TRPC6: variants seen among roughly 807,000 people sequenced by gnomAD.
TRPC6 encodes short transient receptor potential channel 6.
A neutral mutation model predicts 90.7 loss-of-function variants in TRPC6; 55 were observed. The observed-to-expected ratio is 0.61, with a 90% CI of 0.49 to 0.76. The LOEUF is 0.76. Among genes scored for constraint, TRPC6 ranks in the 30% least tolerant of loss-of-function variants. The probability of loss-of-function intolerance (pLI) is 0.00; values close to 1 mark genes in which losing one functional copy is unlikely to be tolerated. For synonymous variants in TRPC6, 393 were observed against 393.0 expected, an observed-to-expected ratio of 1.00 and a Z score of 0.00; for missense variants, 989 against 1,122.7, an observed-to-expected ratio of 0.88 and a Z score of 1.70.
intron 1 of TRPC6, among the ~76,000 whole-genome samples, chr11:101,535,939 C>T (rs962664686): frequency 6.6e-6 from 1 of 152,160 alleles, no homozygotes; most frequent in Admixed American, 6.5e-5. Flanking sequence ...TGCTCCAATT[C>T]TGTCTATTTA....
At chr11:101,546,870 T>C (rs779439032) in intron 1 of TRPC6, among the ~76,000 whole-genome samples, 67 of 152,178 alleles carry the variant, frequency 4.4e-4, no homozygotes, top group Non-Finnish European at 7.6e-4. Context: ...CAAGGGATAC[T>C]GTACAGTAAT....
intron 1 of TRPC6, among the ~76,000 whole-genome samples, chr11:101,537,994 T>G (rs980285556): frequency 6.6e-6 from 1 of 152,204 alleles, no homozygotes; most frequent in African/African-American, 2.4e-5. Context: ...AGTATATTTT[T>G]CTGTCCTCTT....
chr11:101,576,761 GA>G (rs1267382985), intron 1 of TRPC6, among the ~76,000 whole-genome samples: 1 of 152,118 alleles, frequency 6.6e-6, no homozygotes, highest in African/African-American at 2.4e-5. Flanking sequence ...ATTGCCTTAT[GA>G]AGTTACTTCT....
intron 1 of TRPC6, among the ~76,000 whole-genome samples, chr11:101,572,400 C>T (rs1325186495): frequency 1.3e-5 from 2 of 152,186 alleles, no homozygotes; most frequent in African/African-American, 2.4e-5. Flanking sequence ...AACACTTTTA[C>T]ACTGTTGGTG....
intron 1 of TRPC6, among the ~76,000 whole-genome samples, chr11:101,578,178 C>T (rs73580377): frequency 0.028 from 4,323 of 152,050 alleles, 114 homozygotes; most frequent in African/African-American, 0.068. Context: ...AGGAAAAGGA[C>T]GTGTGAACAA....
chr11:101,502,074 C>T (rs919054950), intron 2 of TRPC6, among the ~76,000 whole-genome samples: 1 of 152,060 alleles, frequency 6.6e-6, no homozygotes, highest in Non-Finnish European at 1.5e-5. Context: ...CACAAATGGG[C>T]GGAAAGTGGC....
intron 1 of TRPC6, among the ~76,000 whole-genome samples, chr11:101,548,431 A>G (rs1470988133): frequency 1.7e-5 from 2 of 117,330 alleles, no homozygotes; most frequent in Non-Finnish European, 3.6e-5. Flanking sequence ...TAATATATAA[A>G]TATATAATAC....
Position 101,489,005 on chromosome 11 carries a change from C to G in TRPC6, c.1225G>C (p.Val409Leu). ...AGTCCAATGGCAACAGCAAGGACCA[C>G]AAGGAACTTGACCGCCATTGTCTGC... is the stretch of plus-strand genomic sequence containing the variant. ...RQQTMAVKFL[V>L]VLAVAIGLPF... The change falls in exon 4 of 13, where the codon GTG (valine) becomes CTG (leucine). Residue 409 changes from valine (V) to leucine (L), a missense_variant. Val to Leu is a conservative substitution (Grantham distance 32, BLOSUM62 1). Transcript: ENST00000344327. 6.2e-7 allele frequency: 1 copy of G among 1,614,162 alleles called. No individual in the cohort carries two copies. Among genetic ancestry groups the G allele is most frequent in the Non-Finnish European group, 8.5e-7 (1 of 1,180,014 alleles).
chr11:101,485,852 C>G (rs899902097), intron 4 of TRPC6, among the ~76,000 whole-genome samples: 1 of 152,058 alleles, frequency 6.6e-6, no homozygotes, highest in African/African-American at 2.4e-5. Context: ...AACTCTGGAA[C>G]CTTAGTTTCA....
chr11:101,496,022 ACTTAC>A (rs1453746151), intron 2 of TRPC6, among the ~76,000 whole-genome samples: 6 of 152,094 alleles, frequency 3.9e-5, no homozygotes, highest in African/African-American at 1.4e-4. Context: ...GCCTCAGGAA[ACTTAC>A]AATCATGGCG....
rs543023335 is a variant in TRPC6 at position 101,511,030 on chromosome 11, G to T, written c.171-6232C>A. ...ACTATTCCAGGCAGTGTAGTCAGCC[G>T]TAAGCGTAATGTAGATTCATCCTAG... On this transcript the variant is annotated intron_variant, in intron 1 of 12. Transcript: ENST00000344327. Among the ~76,000 whole-genome samples the T allele has an allele frequency of 7.9e-5, 12 of 152,100 alleles. 1 individual carries two copies. The highest frequency in any genetic ancestry group is 1.2e-4 in the Non-Finnish European group (8 of 68,028).
intron 1 of TRPC6, among the ~76,000 whole-genome samples, chr11:101,554,448 C>G (rs933804165): frequency 6.6e-6 from 1 of 151,664 alleles, no homozygotes; most frequent in Admixed American, 6.6e-5. Context: ...TAAACAGTGG[C>G]CTGATTATGT....
In TRPC6 at chr11:101,491,717, T is replaced by C. The variant is rs757232833; in HGVS notation, c.967A>G (p.Met323Val). The change falls in exon 3 of 13, where the codon ATG (methionine) becomes GTG (valine). Residue 323 changes from methionine to valine, a missense_variant. Met to Val is a conservative substitution (Grantham distance 21, BLOSUM62 1). Around this residue, in one of 4 missense-constraint regions of TRPC6, gnomAD observed 486 missense variants for 591.9 expected, o/e 0.82. Transcript: ENST00000344327. ...CCAACAACAAAGTCTTTGCACTGCATTGACAGTTTTTTGTAGTCATTCTAG... is the reference window on the plus strand; with the variant it reads ...CCAACAACAAAGTCTTTGCACTGCACTGACAGTTTTTTGTAGTCATTCTAG... ...EFKNDYKKLS[M>V]QCKDFVVGLL... 2.5e-6 allele frequency: 4 copies of C among 1,613,854 alleles called. No individual in the cohort carries two copies. In the South Asian group the frequency reaches 3.3e-5, roughly 13 times the overall value.
intron 1 of TRPC6, among the ~76,000 whole-genome samples, chr11:101,525,405 T>C (rs76721703): frequency 4.6e-5 from 7 of 152,178 alleles, no homozygotes; most frequent in Non-Finnish European, 1.0e-4. Context: ...ACAGCAAAGA[T>C]GCTTAGTCTT....
Position 101,583,361 on chromosome 11 carries a change from A to G in TRPC6, c.143T>C (p.Leu48Pro). 6.3e-7 allele frequency: 1 copy of G among 1,595,030 alleles called. No individual in the cohort carries two copies. Among genetic ancestry groups the G allele is most frequent in the African/African-American group, 1.3e-5 (1 of 74,562 alleles). ...LGEDGCPQAP[L>P]PCYGYYPCFR... is the part of the protein sequence containing the mutation. ...GCAGGGGTAGTAGCCGTAGCAAGGC[A>G]GCGGGGCTTGCGGGCAGCCGTCTTC... The change falls in exon 1 of 13, where the codon CTG becomes CCG. Residue 48 changes from leucine (L) to proline (P), a missense_variant. This residue lies in a region of TRPC6 where 194 missense variants were observed against 136.5 expected (regional missense o/e 1.42). Transcript: ENST00000344327.
At chr11:101,582,541 T>G (rs539844096) in intron 1 of TRPC6, among the ~76,000 whole-genome samples, 3 of 140,286 alleles carry the variant, frequency 2.1e-5, no homozygotes, top group Non-Finnish European at 4.6e-5. Flanking sequence ...ACTCCCTACC[T>G]CCCCTCCCGC....
rs141208676 is a variant in TRPC6 at position 101,489,039 on chromosome 11, A to G, written c.1191T>C (p.Gly397=). Reference sequence around the variant, plus strand: ...TGACCGCCATTGTCTGCTGTCGTAAACCAGAAAGATTCTCATACCAAATGG... The same window carrying G: ...TGACCGCCATTGTCTGCTGTCGTAAGCCAGAAAGATTCTCATACCAAATGG... The part of the protein sequence containing the change: ...LLSIWYENLS[G]LRQQTMAVKF... The change falls in exon 4 of 13, where the codon GGT becomes GGC. Residue 397 remains glycine, a synonymous_variant. Coordinates refer to ENST00000344327, the MANE Select transcript of TRPC6 (RefSeq NM_004621.6). 1.3e-5 allele frequency: 21 copies of G among 1,614,064 alleles called. No individual in the cohort carries two copies. In the African/African-American group the frequency reaches 2.5e-4, roughly 19 times the overall value.
chr11:101,489,153 T>C (rs1410825959), intron 3 of TRPC6, 52 bp from the exon 4 acceptor site: 1 of 1,538,892 alleles, frequency 6.5e-7, no homozygotes, highest in African/African-American at 1.4e-5. Context: ...AGGTTCAGCA[T>C]AAACGATTTT....
At chr11:101,565,285 T>C (rs1471604921) in intron 1 of TRPC6, among the ~76,000 whole-genome samples, 1 of 152,002 alleles carries the variant, frequency 6.6e-6, no homozygotes, top group Non-Finnish European at 1.5e-5. Flanking sequence ...AACTACATAA[T>C]ATTCAGAAAA....
Sources: gnomAD v4.1 joint callset for allele counts (sites outside exome capture counted in the v4.1 genomes callset) on GRCh38, gnomAD v4.1.1 for gene constraint, gnomAD v4.1.1 regional missense constraint, MANE v1.5 for transcripts, NCBI Gene and HGNC (gene_info 2026-07-23, HGNC 2026-07-21) for gene names.